CNGA4: variants seen among roughly 807,000 people sequenced by gnomAD.
The protein encoded by CNGA4 is cyclic nucleotide-gated channel alpha-4.
In CNGA4, 32 loss-of-function variants were observed where a neutral mutation model predicts 45.6. The ratio of observed to expected loss-of-function variants is 0.70; its 90% CI spans 0.53 to 0.94. The LOEUF is 0.94. Among genes scored for constraint, CNGA4 ranks in the 40% least tolerant of loss-of-function variants. The pLI is 0.00. For synonymous variants in CNGA4, 293 were observed against 304.6 expected, an observed-to-expected ratio of 0.96 and a Z score of 0.40; for missense variants, 726 against 755.1, an observed-to-expected ratio of 0.96 and a Z score of 0.45.
At chr11:6,236,552 C>T (rs1347544919), upstream of CNGA4, among the ~76,000 whole-genome samples, 1 of 152,006 alleles carries the variant, frequency 6.6e-6, no homozygotes, top group Admixed American at 6.6e-5. Flanking sequence ...TATATAAATT[C>T]AAAAACAGGT....
In CNGA4 at chr11:6,244,433, C is replaced by T. The variant is rs753274275; in HGVS notation, c.*24C>T. 1 of 1,576,662 alleles carries T rather than the reference C, an allele frequency of 6.3e-7. No individual in the cohort carries two copies. The highest frequency in any genetic ancestry group is 1.8e-5 in the Admixed American group (1 of 55,114). ...GACCCCATCCCCATCCCCAGGATTC[C>T]CACCTCCTAGTGAATCCAGAGTTGT... is the stretch of plus-strand genomic sequence containing the variant. On this transcript the variant is annotated 3_prime_UTR_variant, in exon 6 of 6. Coordinates refer to ENST00000379936, the MANE Select transcript of CNGA4 (RefSeq NM_001037329.4). This position sits in a 1 kb window ranked among gnomAD's most constrained non-coding sequence, Gnocchi z 4.5.
intron 5 of CNGA4, chr11:6,242,013 A>G (rs1350820022): frequency 1.1e-5 from 6 of 564,616 alleles, no homozygotes; most frequent in Non-Finnish European, 1.9e-5. Context: ...AAGAGAGAGT[A>G]GACTTGCTCT....
chr11:6,244,540 C>T, downstream of CNGA4: 1 of 722,390 alleles, frequency 1.4e-6, no homozygotes, highest in Non-Finnish European at 2.2e-6. The surrounding 1 kb of genome is among the most constrained non-coding windows in gnomAD (Gnocchi z 4.5). Flanking sequence ...AGATGCCCAG[C>T]TAGAGATATA....
In CNGA4 at chr11:6,239,244, G is replaced by A; in HGVS notation, c.38G>A (p.Ser13Asn). 1 of 1,614,148 alleles carries A rather than the reference G, an allele frequency of 6.2e-7. No homozygotes were observed. The highest frequency in any genetic ancestry group is 1.3e-5 in the African/African-American group (1 of 75,068). The change falls in exon 1 of 6, where the codon AGT (serine) becomes AAT (asparagine). Residue 13 changes from serine (S) to asparagine (N), a missense_variant. Coordinates refer to ENST00000379936, the MANE Select transcript of CNGA4 (RefSeq NM_001037329.4). ...QDTKVKTTESSPPAPSKARKL... is the reference protein window; with the variant it reads ...QDTKVKTTESNPPAPSKARKL... ...ACCAAAGTGAAGACAACAGAGTCCAGTCCCCCAGCCCCATCCAAGGCCAGG... is the reference window on the plus strand; with the variant it reads ...ACCAAAGTGAAGACAACAGAGTCCAATCCCCCAGCCCCATCCAAGGCCAGG...
At chr11:6,238,556 T>C (rs1412278327), upstream of CNGA4, among the ~76,000 whole-genome samples, 1 of 152,068 alleles carries the variant, frequency 6.6e-6, no homozygotes, top group Non-Finnish European at 1.5e-5. Context: ...AAGAAGGATA[T>C]GAGGACAAAA....
intron 5 of CNGA4, among the ~76,000 whole-genome samples, chr11:6,243,648 G>T (rs1164799131): frequency 6.6e-6 from 1 of 152,070 alleles, no homozygotes; most frequent in African/African-American, 2.4e-5. Context: ...TTTGGTAGGG[G>T]CTCTTTGCCT....
At chr11:6,244,537 C>A, downstream of CNGA4, 1 of 800,440 alleles carries the variant, frequency 1.2e-6, no homozygotes, top group Non-Finnish European at 1.9e-6. The surrounding 1 kb of genome is among the most constrained non-coding windows in gnomAD (Gnocchi z 4.5). Context: ...TGTAGATGCC[C>A]AGCTAGAGAT....
At position 6,240,521 on chromosome 11, in the gene CNGA4, G is replaced by A. The variant is rs1564877770; in HGVS notation, c.727G>A (p.Glu243Lys). The A allele has an allele frequency of 6.2e-7, 1 of 1,614,250 alleles. No homozygotes were observed. The highest frequency in any genetic ancestry group is 8.5e-7 in the Non-Finnish European group (1 of 1,180,058). ...GDTPPPAREE[E>K]YLFMVGDFLL... The stretch of plus-strand genomic sequence containing the variant: ...TACACCGCCGCCAGCCAGGGAAGAA[G>A]AGTACCTCTTCATGGTGGGCGACTT... The change falls in exon 4 of 6, where the codon GAG becomes AAG. Residue 243 changes from glutamate (E) to lysine (K), a missense_variant. Coordinates refer to ENST00000379936, the MANE Select transcript of CNGA4 (RefSeq NM_001037329.4). This position sits in a 1 kb window ranked among gnomAD's most constrained non-coding sequence, Gnocchi z 4.9.
intron 5 of CNGA4, 37 bp downstream of exon 5, chr11:6,241,817 G>T: frequency 6.3e-7 from 1 of 1,588,180 alleles, no homozygotes; most frequent in African/African-American, 1.3e-5. Flanking sequence ...GACAAGGATG[G>T]GTGGGGTAGG....
At position 6,241,688 on chromosome 11, in the gene CNGA4, A is replaced by T. The variant is rs1290503829; in HGVS notation, c.1175A>T (p.Gln392Leu). 1 of 1,614,220 alleles carries T rather than the reference A, an allele frequency of 6.2e-7. No individual in the cohort carries two copies. Among genetic ancestry groups the T allele is most frequent in the Admixed American group, 1.7e-5 (1 of 60,020 alleles). Residue 392 changes from glutamine to leucine, a missense_variant, in exon 5 of 6, where the codon CAA becomes CTA. Transcript: ENST00000379936. ...GQEMYIIREG[Q>L]LAVVADDGIT... is the part of the protein sequence containing the mutation. ...GAGATGTACATCATCCGAGAGGGTC[A>T]ACTGGCCGTGGTGGCAGATGATGGT... is the stretch of plus-strand genomic sequence containing the variant.
Position 6,244,211 on chromosome 11 carries a change from G to C in CNGA4, c.1530G>C (p.Lys510Asn). 3 of 1,614,250 alleles carry C rather than the reference G, an allele frequency of 1.9e-6. No homozygotes were observed. The highest frequency in any genetic ancestry group is 2.5e-6 in the Non-Finnish European group (3 of 1,180,046). Residue 510 changes from lysine (K) to asparagine (N), a missense_variant, in exon 6 of 6, where the codon AAG becomes AAC. By Grantham distance (94) the Lys-to-Asn change is moderately conservative. Transcript: ENST00000379936. This position sits in a 1 kb window ranked among gnomAD's most constrained non-coding sequence, Gnocchi z 4.5. ...AGCAGCTGGATGATCTACAGACCAA[G>C]TTTGCTCGCCTCCTGGCTGAGCTGG... ...LDQQLDDLQT[K>N]FARLLAELES... is the part of the protein sequence containing the mutation.
chr11:6,238,741 C>T (rs1283376429), upstream of CNGA4, among the ~76,000 whole-genome samples: 1 of 152,216 alleles, frequency 6.6e-6, no homozygotes, highest in Non-Finnish European at 1.5e-5. Context: ...ATAAGCCATT[C>T]AGTAATAGTT....
chr11:6,240,514 G>A lies in CNGA4; in HGVS notation c.720G>A (p.Arg240=), dbSNP rs746573667. The A allele has an allele frequency of 6.2e-7, 1 of 1,614,214 alleles. No homozygotes were observed. Among genetic ancestry groups the A allele is most frequent in the Non-Finnish European group, 8.5e-7 (1 of 1,180,042 alleles). ...TGGGCGATACACCGCCGCCAGCCAG[G>A]GAAGAAGAGTACCTCTTCATGGTGG... ...TTVGDTPPPA[R]EEEYLFMVGD... The change falls in exon 4 of 6, where the codon AGG becomes AGA. Residue 240 remains arginine (R), a synonymous_variant. Transcript: ENST00000379936. This position sits in a 1 kb window ranked among gnomAD's most constrained non-coding sequence, Gnocchi z 4.9.
Position 6,240,453 on chromosome 11 carries a change from A to G in CNGA4, c.659A>G (p.Tyr220Cys), listed in dbSNP as rs752866465. Residue 220 changes from tyrosine (Y) to cysteine (C), a missense_variant, in exon 4 of 6, where the codon TAT becomes TGT. Tyr to Cys is a radical substitution (Grantham distance 194). Transcript: ENST00000379936. This position sits in a 1 kb window ranked among gnomAD's most constrained non-coding sequence, Gnocchi z 4.9. ...GAGCGCCTGCGGCGCCAGTACCTCT[A>G]TAGCTTTTACTTCTCCACGCTGATA... ...GFERLRRQYLYSFYFSTLILT... is the reference protein window; with the variant it reads ...GFERLRRQYLCSFYFSTLILT... The G allele has an allele frequency of 6.2e-7, 1 of 1,614,190 alleles. No homozygotes were observed. The highest frequency in any genetic ancestry group is 1.1e-5 in the South Asian group (1 of 91,086).
At position 6,239,277 on chromosome 11, in the gene CNGA4, T is replaced by A. The variant is rs754024343; in HGVS notation, c.62+9T>A. Reference sequence around the variant, plus strand: ...GCCCCATCCAAGGCCAGGTGAGAAGTCCTGGTCCCTTGTGTGGGATCTCTC... The same window carrying A: ...GCCCCATCCAAGGCCAGGTGAGAAGACCTGGTCCCTTGTGTGGGATCTCTC... On this transcript the variant is annotated intron_variant, in intron 1 of 5. Transcript: ENST00000379936. The A allele has an allele frequency of 4.3e-6, 7 of 1,614,044 alleles. No individual in the cohort carries two copies. The South Asian group carries it at 7.7e-5, about 18-fold the overall frequency.
chr11:6,240,497 A>C lies in CNGA4; in HGVS notation c.703A>C (p.Thr235Pro), dbSNP rs1847900994. 3 of 1,614,062 alleles carry C rather than the reference A, an allele frequency of 1.9e-6. No individual in the cohort carries two copies. The highest frequency in any genetic ancestry group is 1.7e-6 in the Non-Finnish European group (2 of 1,180,038). The change falls in exon 4 of 6, where the codon ACA becomes CCA. Residue 235 changes from threonine (T) to proline (P), a missense_variant. Physicochemically the swap from Thr to Pro is conservative, Grantham distance 38 (BLOSUM62 -1). Transcript: ENST00000379936. The surrounding 1 kb of genome is among the most constrained non-coding windows in gnomAD (Gnocchi z 4.9). Reference protein sequence around the residue: ...STLILTTVGDTPPPAREEEYL... With the variant: ...STLILTTVGDPPPPAREEEYL... ...GCTGATACTGACTACAGTGGGCGAT[A>C]CACCGCCGCCAGCCAGGGAAGAAGA...
chr11:6,240,252 C>A lies in CNGA4; in HGVS notation c.458C>A (p.Ala153Asp). ...CTCCGCGCGCCCCGCCTCTTCGAGG[C>A]CTTCGACCGCACAGAGACCCGCACA... ...RFLRAPRLFE[A>D]FDRTETRTAY... The change falls in exon 4 of 6, where the codon GCC becomes GAC. Residue 153 changes from alanine (A) to aspartate (D), a missense_variant. By Grantham distance (126) the Ala-to-Asp change is moderately radical. Transcript: ENST00000379936. This position sits in a 1 kb window ranked among gnomAD's most constrained non-coding sequence, Gnocchi z 4.9. 6.2e-7 allele frequency: 1 copy of A among 1,614,242 alleles called. No individual in the cohort carries two copies. The highest frequency in any genetic ancestry group is 8.5e-7 in the Non-Finnish European group (1 of 1,180,030).
Position 6,239,691 on chromosome 11 carries a change from T to C in CNGA4, c.172T>C (p.Phe58Leu). ...CTTAACCCTGCCCTGCAGAGCCTGC[T>C]TCCCCGACTTGCAGCACGGTTATCT... The part of the protein sequence containing the change: ...NLIILVCRAC[F>L]PDLQHGYLVA... The change falls in exon 3 of 6, where the codon TTC becomes CTC. Residue 58 changes from phenylalanine to leucine, a missense_variant. Coordinates refer to ENST00000379936, the MANE Select transcript of CNGA4 (RefSeq NM_001037329.4). 1.2e-6 allele frequency: 2 copies of C among 1,614,074 alleles called. No homozygotes were observed. Among genetic ancestry groups the C allele is most frequent in the Non-Finnish European group, 1.7e-6 (2 of 1,179,972 alleles).
At chr11:6,239,894 C>G in intron 3 of CNGA4, 104 bp downstream of exon 3, 1 of 1,359,374 alleles carries the variant, frequency 7.4e-7, no homozygotes, top group Admixed American at 2.0e-5. Flanking sequence ...AGCACCTTCG[C>G]GTGCCTCTAT....
Sources: gnomAD v4.1 joint callset for allele counts (sites outside exome capture counted in the v4.1 genomes callset) on GRCh38, gnomAD v4.1.1 for gene constraint, Gnocchi (gnomAD v3.1) non-coding constraint, MANE v1.5 for transcripts, NCBI Gene and HGNC (gene_info 2026-07-23, HGNC 2026-07-21) for gene names.